Variants in PTPRG observed in about 807,000 individuals in gnomAD.
PTPRG encodes protein tyrosine phosphatase receptor type G, also known as receptor-type tyrosine-protein phosphatase gamma.
PTPRG carries 102 observed loss-of-function variants against 165.3 expected under a neutral mutation model. That is an observed-to-expected ratio of 0.62 (90% confidence interval 0.53 to 0.73). PTPRG has a LOEUF of 0.73. Among genes scored for constraint, PTPRG ranks in the 30% least tolerant of loss-of-function variants. The pLI is 0.00. For synonymous variants in PTPRG, 675 were observed against 669.5 expected (o/e 1.01, Z -0.13); for missense variants, 1,866 against 1,861.4 (o/e 1.00, Z -0.05).
rs34118063 is a variant in PTPRG, at chr3:61,638,618, T to TGG, written c.85+76249_85+76250dup. ...TTTTTTTTTTTTTTTTTTTTTTTTTTGGGGTAGAGGGATTTCCCTATGTTG... is the reference window on the plus strand; with the variant it reads ...TTTTTTTTTTTTTTTTTTTTTTTTTTGGGGGGTAGAGGGATTTCCCTATGTTG... On this transcript the variant is annotated intron_variant, in intron 1 of 29. Transcript: ENST00000474889. 3.2e-3 allele frequency among the ~76,000 whole-genome samples: 374 copies of TGG among 116,294 alleles called. 2 individuals carry two copies. The highest frequency in any genetic ancestry group is 8.9e-3 in the South Asian group (30 of 3,360). The allele number at this position is 116,294 out of a possible 152,430, so 76.3% of individuals were successfully genotyped here.
At chr3:61,579,286 G>A (rs761523727) in intron 1 of PTPRG, among the ~76,000 whole-genome samples, 3 of 152,158 alleles carry the variant, frequency 2.0e-5, no homozygotes, top group South Asian at 2.1e-4. Context: ...CCCTCTCCCC[G>A]TGTCCCTTCA....
chr3:61,643,277 A>AGAGAGAGAGAG lies in PTPRG; in HGVS notation c.85+80905_85+80906insGAGAGAGAGAG, dbSNP rs1559537079. On this transcript the variant is annotated intron_variant, in intron 1 of 29. Transcript: ENST00000474889. The stretch of plus-strand genomic sequence containing the variant: ...CCATCTGGGGAGAGAGAGAGAGAGA[A>AGAGAGAGAGAG]AGAGAGAGAGAGAGAGACAGAGACA... Among the ~76,000 whole-genome samples, 19 of 149,838 alleles carry AGAGAGAGAGAG rather than the reference A, an allele frequency of 1.3e-4. No homozygotes were observed. In the East Asian group the frequency reaches 1.8e-3, roughly 14 times the overall value.
At chr3:62,050,011 A>T (rs1049210685) in intron 4 of PTPRG, among the ~76,000 whole-genome samples, 1 of 152,262 alleles carries the variant, frequency 6.6e-6, no homozygotes, top group Non-Finnish European at 1.5e-5. Context: ...TGGAAAATCA[A>T]GCTTGTTGAA....
chr3:61,717,394 G>A (rs1027418541), intron 1 of PTPRG, among the ~76,000 whole-genome samples: 1 of 152,144 alleles, frequency 6.6e-6, no homozygotes, highest in East Asian at 1.9e-4. Flanking sequence ...AACTTGAGAG[G>A]TCTCTGCCTC....
chr3:61,583,799 C>T (rs1296859215), intron 1 of PTPRG, among the ~76,000 whole-genome samples: 1 of 152,166 alleles, frequency 6.6e-6, no homozygotes, highest in Admixed American at 6.5e-5. Context: ...CTGATCCTTG[C>T]CCTTTCAAAG....
Position 61,613,940 on chromosome 3 carries a change from C to A in PTPRG, c.85+51568C>A, listed in dbSNP as rs563525822. On this transcript the variant is annotated intron_variant, in intron 1 of 29. Coordinates refer to ENST00000474889, the MANE Select transcript of PTPRG (RefSeq NM_002841.4). The stretch of plus-strand genomic sequence containing the variant: ...CCTCACATCCTGTTGGTTTCACCTC[C>A]CAAATAAATCTTGAATCTCCCTGAG... Among the ~76,000 whole-genome samples the A allele has an allele frequency of 3.2e-4, 49 of 152,238 alleles. No homozygotes were observed. In the South Asian group the frequency reaches 0.01, roughly 32 times the overall value.
At chr3:61,732,872 T>C (rs1427546035) in intron 1 of PTPRG, among the ~76,000 whole-genome samples, 1 of 152,248 alleles carries the variant, frequency 6.6e-6, no homozygotes, top group Non-Finnish European at 1.5e-5. Context: ...CATTCCCTTT[T>C]TCTGTTTAAA....
chr3:61,916,143 T>C (rs939874440), intron 2 of PTPRG, among the ~76,000 whole-genome samples: 1 of 152,252 alleles, frequency 6.6e-6, no homozygotes, highest in African/African-American at 2.4e-5. Flanking sequence ...ATTTAAACTT[T>C]AGTCAGGAAG....
At chr3:61,951,076 C>T (rs2039888929) in intron 2 of PTPRG, among the ~76,000 whole-genome samples, 1 of 152,206 alleles carries the variant, frequency 6.6e-6, no homozygotes, top group African/African-American at 2.4e-5. Context: ...CTGTAAATTG[C>T]CCCCTAGCTC....
intron 1 of PTPRG, among the ~76,000 whole-genome samples, chr3:61,652,706 G>A (rs61055259): frequency 0.11 from 16,395 of 152,174 alleles, 964 homozygotes; most frequent in East Asian, 0.16. Context: ...TTTGGGCCCC[G>A]ATAGTTCTGT....
At chr3:61,616,347 G>A (rs1701296012) in intron 1 of PTPRG, among the ~76,000 whole-genome samples, 1 of 152,168 alleles carries the variant, frequency 6.6e-6, no homozygotes, top group East Asian at 1.9e-4. Context: ...AAGTATGTAT[G>A]TCCATGTCCA....
chr3:61,872,244 G>A (rs1407138581), intron 2 of PTPRG, among the ~76,000 whole-genome samples: 3 of 152,196 alleles, frequency 2.0e-5, no homozygotes, highest in African/African-American at 7.2e-5. Flanking sequence ...GCAGCGTTGG[G>A]CACCTGGAGT....
chr3:62,225,867 T>G (rs1484134744), intron 13 of PTPRG, among the ~76,000 whole-genome samples: 5 of 152,010 alleles, frequency 3.3e-5, no homozygotes, highest in African/African-American at 1.2e-4. Flanking sequence ...TTGGCCAGGC[T>G]AGTCTCAAAC....
chr3:61,918,375 T>TATAC (rs1553691031), intron 2 of PTPRG, among the ~76,000 whole-genome samples: 1 of 152,028 alleles, frequency 6.6e-6, no homozygotes. Flanking sequence ...TATATATATA[T>TATAC]ACACACACAC....
intron 5 of PTPRG, among the ~76,000 whole-genome samples, chr3:62,082,322 GC>G (rs973631172): frequency 2.0e-5 from 3 of 152,020 alleles, no homozygotes; most frequent in African/African-American, 7.2e-5. Flanking sequence ...TCATAATGTT[GC>G]CCCCCAAAAG....
intron 5 of PTPRG, among the ~76,000 whole-genome samples, chr3:62,085,518 T>C (rs1701723676): frequency 6.6e-6 from 1 of 152,216 alleles, no homozygotes; most frequent in Non-Finnish European, 1.5e-5. Flanking sequence ...CACTAGGTGA[T>C]GAGTGAAGAG....
intron 1 of PTPRG, among the ~76,000 whole-genome samples, chr3:61,673,283 A>T (rs1264982465): frequency 6.6e-6 from 1 of 152,238 alleles, no homozygotes; most frequent in Non-Finnish European, 1.5e-5. Flanking sequence ...GGAAAGTAAT[A>T]GAAATTTCTG....
intron 4 of PTPRG, among the ~76,000 whole-genome samples, chr3:62,031,079 A>T (rs1699754572): frequency 6.6e-6 from 1 of 152,248 alleles, no homozygotes; most frequent in Non-Finnish European, 1.5e-5. Context: ...AAATGATTTC[A>T]GTTTTTTAAC....
chr3:61,985,046 T>G (rs1166932889), intron 2 of PTPRG, among the ~76,000 whole-genome samples: 1 of 152,244 alleles, frequency 6.6e-6, no homozygotes, highest in African/African-American at 2.4e-5. Context: ...ACTGGGGATG[T>G]TAACCTTCAT....
Sources: gnomAD v4.1 joint callset for allele counts (sites outside exome capture counted in the v4.1 genomes callset) on GRCh38, gnomAD v4.1.1 for gene constraint, MANE v1.5 for transcripts, NCBI Gene and HGNC (gene_info 2026-07-23, HGNC 2026-07-21) for gene names.